The following KIF1B variants were observed in gnomAD, a reference collection of about 807,000 sequenced individuals.
KIF1B encodes kinesin family member 1B.
Under a neutral mutation model 241.9 loss-of-function variants are expected in KIF1B, and 76 were observed. The observed-to-expected ratio is 0.31, with a 90% CI of 0.26 to 0.38. The LOEUF is 0.38. Ranked by LOEUF, KIF1B falls within the 10% of genes least tolerant of loss-of-function variation. The pLI is 1.00. For missense variants in KIF1B, 1,622 were observed against 2,271.4 expected (o/e 0.71, Z 5.81); for synonymous variants, 750 against 796.7 (o/e 0.94, Z 0.99).
intron 17 of KIF1B, among the ~76,000 whole-genome samples, chr1:10,294,053 C>T (rs763264515): frequency 9.2e-5 from 14 of 152,160 alleles, no homozygotes; most frequent in Non-Finnish European, 2.1e-4. Flanking sequence ...GGAGGTTTTT[C>T]AGATTTCTCT....
intron 27 of KIF1B, among the ~76,000 whole-genome samples, chr1:10,332,074 T>C (rs1486887311): frequency 6.6e-6 from 1 of 152,204 alleles, no homozygotes; most frequent in East Asian, 1.9e-4. Context: ...TTTTTCTTTT[T>C]TTCTCTTGAG....
At chr1:10,286,219 T>G (rs1042115163) in intron 15 of KIF1B, among the ~76,000 whole-genome samples, 1 of 152,210 alleles carries the variant, frequency 6.6e-6, no homozygotes, top group Admixed American at 6.5e-5. Context: ...TTTGTATTTT[T>G]AGTAGAGACG....
intron 4 of KIF1B, 36 bp from the exon 5 acceptor site, chr1:10,261,869 T>C (rs1557672493): frequency 7.2e-7 from 1 of 1,398,312 alleles, no homozygotes; most frequent in Non-Finnish European, 1.0e-6. Context: ...TCCTCTCATT[T>C]GTGCTCTTCA....
chr1:10,328,302 A>C (rs991623164), intron 27 of KIF1B, among the ~76,000 whole-genome samples: 2 of 152,244 alleles, frequency 1.3e-5, no homozygotes, highest in Non-Finnish European at 2.9e-5. Context: ...GGGGGAAAAG[A>C]AAAGCTTTTT....
intron 27 of KIF1B, among the ~76,000 whole-genome samples, chr1:10,333,940 C>G (rs1223594397): frequency 6.6e-6 from 1 of 151,816 alleles, no homozygotes; most frequent in Non-Finnish European, 1.5e-5. Context: ...ATCACAAGGT[C>G]AGGAGATTGA....
At chr1:10,262,022 A>G (rs770901020) in intron 5 of KIF1B, 52 bp downstream of exon 5, 1 of 1,236,938 alleles carries the variant, frequency 8.1e-7, no homozygotes, top group Non-Finnish European at 1.2e-6. Flanking sequence ...CATTCTCTCA[A>G]GCATCACTTA....
chr1:10,338,086 C>G (rs1412602955), intron 31 of KIF1B, among the ~76,000 whole-genome samples: 1 of 152,136 alleles, frequency 6.6e-6, no homozygotes, highest in Non-Finnish European at 1.5e-5. Context: ...CTTCTCAAGA[C>G]TGCCCCAGGA....
intron 18 of KIF1B, 60 bp from the exon 19 acceptor site, chr1:10,295,600 A>G: frequency 1.4e-6 from 2 of 1,442,110 alleles, no homozygotes; most frequent in Non-Finnish European, 2.0e-6. Context: ...AAAGAGGTTC[A>G]TTGTTTGTAG....
intron 22 of KIF1B, among the ~76,000 whole-genome samples, chr1:10,313,578 T>C (rs1315128388): frequency 7.8e-6 from 1 of 127,512 alleles, no homozygotes; most frequent in Non-Finnish European, 1.6e-5. Context: ...TGAGATGGAG[T>C]CTCGCTCTGT....
At chr1:10,372,379 TAAATA>T (rs1270889687) in intron 45 of KIF1B, among the ~76,000 whole-genome samples, 1 of 151,472 alleles carries the variant, frequency 6.6e-6, no homozygotes, top group African/African-American at 2.4e-5. Flanking sequence ...CTACAAAAAA[TAAATA>T]AAATAGTTGG....
At position 10,380,427 on chromosome 1, in the gene KIF1B, C is replaced by T. The variant is rs1023419361; in HGVS notation, c.*3840C>T. The stretch of plus-strand genomic sequence containing the variant: ...TAACCTGCCTCTTGAAAGATTCAAC[C>T]GGGTGTGGTGGCTCACGCCTGTAAT... On this transcript the variant is annotated 3_prime_UTR_variant, in exon 49 of 49. Coordinates refer to ENST00000676179, the MANE Select transcript of KIF1B (RefSeq NM_001365951.3). 1.1e-5 allele frequency: 2 copies of T among 188,852 alleles called. No homozygotes were observed. The highest frequency in any genetic ancestry group is 1.9e-4 in the South Asian group (1 of 5,136). The allele number at this position is 188,852 out of a possible 1,614,324, so 11.7% of individuals were successfully genotyped here. A position where few individuals can be genotyped will look rare whatever the true frequency, so the allele number is the denominator to read the frequency against.
intron 27 of KIF1B, among the ~76,000 whole-genome samples, chr1:10,329,739 A>G (rs1026230925): frequency 4.6e-5 from 3 of 64,738 alleles, no homozygotes; most frequent in Non-Finnish European, 6.9e-5. Flanking sequence ...GTCTAGGGGG[A>G]AAAAAAAATT....
At chr1:10,243,105 G>A (rs1010695827) in intron 2 of KIF1B, among the ~76,000 whole-genome samples, 2 of 152,072 alleles carry the variant, frequency 1.3e-5, no homozygotes, top group Non-Finnish European at 2.9e-5. Flanking sequence ...ACTTGAGGAG[G>A]CAAAATGGGA....
At chr1:10,373,853 A>T (rs114624000) in intron 45 of KIF1B, among the ~76,000 whole-genome samples, 2,911 of 152,284 alleles carry the variant, frequency 0.019, 42 homozygotes, top group Non-Finnish European at 0.028. Context: ...CCCATGGCTC[A>T]ACCCCACCCA....
intron 22 of KIF1B, among the ~76,000 whole-genome samples, chr1:10,315,901 C>A (rs1020249581): frequency 6.6e-6 from 1 of 151,068 alleles, no homozygotes; most frequent in Non-Finnish European, 1.5e-5. Flanking sequence ...ATTAAAAATA[C>A]AAAATTTAAC....
intron 1 of KIF1B, among the ~76,000 whole-genome samples, chr1:10,218,078 C>A (rs1646792062): frequency 6.6e-6 from 1 of 152,048 alleles, no homozygotes; most frequent in South Asian, 2.1e-4. Flanking sequence ...CCAATAAAAT[C>A]CTTCATTCCT....
chr1:10,326,312 G>A lies in KIF1B; in HGVS notation c.2877G>A (p.Gly959=). 1 of 1,614,178 alleles carries A rather than the reference G, an allele frequency of 6.2e-7. No individual in the cohort carries two copies. Among genetic ancestry groups the A allele is most frequent in the East Asian group, 2.2e-5 (1 of 44,842 alleles). Residue 959 remains glycine, a synonymous_variant, in exon 27 of 49, where the codon GGG becomes GGA. Transcript: ENST00000676179. This position sits in a 1 kb window ranked among gnomAD's most constrained non-coding sequence, Gnocchi z 5.2. ...TEEGSDLFSD[G]HDPFYDRSPW... is the part of the protein sequence containing the mutation. ...AGGGATCAGATCTCTTCAGTGACGG[G>A]CATGACCCGTTTTACGACCGATCCC...
intron 1 of KIF1B, among the ~76,000 whole-genome samples, chr1:10,220,351 A>G (rs925391508): frequency 6.6e-6 from 1 of 151,258 alleles, no homozygotes; most frequent in African/African-American, 2.4e-5. Context: ...AGCCTGGGCA[A>G]CAGAGTGAGA....
At chr1:10,332,103 C>A (rs1034116848) in intron 27 of KIF1B, among the ~76,000 whole-genome samples, 1 of 151,972 alleles carries the variant, frequency 6.6e-6, no homozygotes, top group African/African-American at 2.4e-5. Flanking sequence ...TTGCTCTTGT[C>A]CCCCAGGCTG....
Sources: allele counts gnomAD v4.1 joint callset (sites outside exome capture counted in the v4.1 genomes callset), GRCh38; gene constraint gnomAD v4.1.1; non-coding constraint Gnocchi (gnomAD v3.1); transcripts MANE v1.5; gene names NCBI Gene and HGNC (gene_info 2026-07-23, HGNC 2026-07-21).